The following CUX1 variants were observed in gnomAD, a reference collection of about 807,000 sequenced individuals.
CUX1 encodes the protein protein CASP.
In CUX1, 31 loss-of-function variants were observed where a neutral mutation model predicts 158.8. That is an observed-to-expected ratio of 0.20 (90% CI 0.15 to 0.26). The LOEUF is 0.26. CUX1 is among the 10% of genes least tolerant of loss of function. The pLI is 1.00. For missense variants in CUX1, 1,589 were observed against 2,014.6 expected (o/e 0.79, Z 4.04); for synonymous variants, 879 against 862.1 (o/e 1.02, Z -0.34).
At chr7:101,887,526 C>T (rs887686144) in intron 1 of CUX1, among the ~76,000 whole-genome samples, 1 of 152,012 alleles carries the variant, frequency 6.6e-6, no homozygotes, top group African/African-American at 2.4e-5. Flanking sequence ...CCAGGCTGGT[C>T]TTGAACTCCT....
intron 3 of CUX1, among the ~76,000 whole-genome samples, chr7:102,034,905 G>T (rs1295775883): frequency 6.6e-6 from 1 of 151,976 alleles, no homozygotes; most frequent in African/African-American, 2.4e-5. Context: ...CCGCACTCTA[G>T]CCTGGGCAAC....
chr7:102,153,338 C>T (rs1463213710), intron 8 of CUX1: 3 of 152,188 alleles, frequency 2.0e-5, no homozygotes, highest in African/African-American at 7.2e-5. Flanking sequence ...TATGCCTGGG[C>T]CTTTGGCCAC....
At chr7:101,883,040 C>T (rs112128996) in intron 1 of CUX1, among the ~76,000 whole-genome samples, 25 of 152,170 alleles carry the variant, frequency 1.6e-4, no homozygotes, top group African/African-American at 5.3e-4. Flanking sequence ...TCACTGGGAG[C>T]GGATCTAGAG....
intron 3 of CUX1, among the ~76,000 whole-genome samples, chr7:102,066,377 G>A (rs779611161): frequency 6.6e-6 from 1 of 152,144 alleles, no homozygotes. Flanking sequence ...TCCAAATAAG[G>A]TCACCTTCAC....
chr7:101,940,920 CAG>C (rs2129138441), intron 2 of CUX1, among the ~76,000 whole-genome samples: 1 of 152,340 alleles, frequency 6.6e-6, no homozygotes, highest in East Asian at 1.9e-4. Flanking sequence ...GTGACTTGCT[CAG>C]AGTCACACAG....
intron 2 of CUX1, among the ~76,000 whole-genome samples, chr7:101,968,266 G>A (rs935371777): frequency 3.3e-5 from 5 of 152,122 alleles, no homozygotes; most frequent in Non-Finnish European, 7.3e-5. Flanking sequence ...TGGGGTGGGA[G>A]GGAGTTCCTA....
chr7:102,214,528 T>G (rs1272133335), intron 20 of CUX1, among the ~76,000 whole-genome samples: 1 of 152,272 alleles, frequency 6.6e-6, no homozygotes, highest in Non-Finnish European at 1.5e-5. Context: ...GTAATCCACC[T>G]GGCCTAGGCT....
At chr7:101,881,644 C>T (rs116508822) in intron 1 of CUX1, among the ~76,000 whole-genome samples, 37 of 152,244 alleles carry the variant, frequency 2.4e-4, no homozygotes, top group African/African-American at 7.9e-4. Context: ...CTGACGCCAC[C>T]GATTTGTCAA....
intron 1 of CUX1, among the ~76,000 whole-genome samples, chr7:101,879,747 G>A (rs566133278): frequency 1.3e-5 from 2 of 152,392 alleles, no homozygotes; most frequent in South Asian, 4.1e-4. Flanking sequence ...CGCCCGCAGG[G>A]TCCTTGGTGG....
intron 2 of CUX1, among the ~76,000 whole-genome samples, chr7:101,946,664 G>A (rs1422714623): frequency 6.6e-6 from 1 of 152,222 alleles, no homozygotes; most frequent in Admixed American, 6.5e-5. Flanking sequence ...AGGAGCTGGT[G>A]GAGGGGGGCA....
At chr7:101,817,507 G>T (rs1196831808), upstream of CUX1, 22 of 1,144,194 alleles carry the variant, frequency 1.9e-5, no homozygotes, top group Non-Finnish European at 2.4e-5. This position sits in a 1 kb window ranked among gnomAD's most constrained non-coding sequence, Gnocchi z 4.1. Flanking sequence ...CGCCCGAGTC[G>T]CCGCCGTGCC....
intron 20 of CUX1, chr7:102,280,883 C>G (rs782454471): frequency 1.1e-5 from 18 of 1,607,172 alleles, no homozygotes. Flanking sequence ...CCCTACCCAC[C>G]CCCTCCCTGG....
chr7:102,152,153 G>A (rs781814361), intron 8 of CUX1, among the ~76,000 whole-genome samples: 1 of 152,158 alleles, frequency 6.6e-6, no homozygotes, highest in Non-Finnish European at 1.5e-5. Context: ...ACCAGCTTGG[G>A]AAGCATTGTA....
chr7:101,973,438 A>G (rs1812240991), intron 2 of CUX1, among the ~76,000 whole-genome samples: 1 of 152,220 alleles, frequency 6.6e-6, no homozygotes, highest in African/African-American at 2.4e-5. Context: ...GTCTGCTGAC[A>G]GGGGAATTGG....
intron 2 of CUX1, among the ~76,000 whole-genome samples, chr7:101,924,388 G>C (rs1385559961): frequency 1.3e-5 from 2 of 152,044 alleles, no homozygotes; most frequent in Non-Finnish European, 1.5e-5. Flanking sequence ...TGCGACTCCA[G>C]TGGACACGTG....
intron 2 of CUX1, among the ~76,000 whole-genome samples, chr7:101,994,605 A>G (rs1455231902): frequency 6.6e-6 from 1 of 152,170 alleles, no homozygotes; most frequent in African/African-American, 2.4e-5. Context: ...CGTCTCAAAC[A>G]ACAGCAACAA....
rs1249893857 is a variant in CUX1, at chr7:102,230,484, C to CA, written c.3433+2827dup. ...TGGGCAACAGAGCAAGACACTATCT[C>CA]AAAAAAAAAAAATTAAAAAAAAAAA... On this transcript the variant is annotated intron_variant, in intron 21 of 23. Coordinates refer to ENST00000292535, the MANE Select transcript of CUX1 (RefSeq NM_181552.4). Among the ~76,000 whole-genome samples, 715 of 120,866 alleles carry CA rather than the reference C, an allele frequency of 5.9e-3. 6 individuals are homozygous for CA. Among genetic ancestry groups the CA allele is most frequent in the African/African-American group, 0.018 (587 of 31,968 alleles). The allele number at this position is 120,866 out of a possible 152,430, so 79.3% of individuals were successfully genotyped here. A position where few individuals can be genotyped will look rare whatever the true frequency, so the allele number is the denominator to read the frequency against.
intron 10 of CUX1, among the ~76,000 whole-genome samples, chr7:102,176,057 C>T (rs1401181601): frequency 6.6e-6 from 1 of 152,234 alleles, no homozygotes; most frequent in Non-Finnish European, 1.5e-5. Context: ...CTCGCTCCAG[C>T]CCCCCAGGGC....
intron 12 of CUX1, among the ~76,000 whole-genome samples, chr7:102,190,861 A>G (rs1225865663): frequency 6.6e-6 from 1 of 151,966 alleles, no homozygotes; most frequent in Non-Finnish European, 1.5e-5. Context: ...CTAGACCTTG[A>G]GTCCCTTCCT....
Sources: gnomAD v4.1 joint callset for allele counts (sites outside exome capture counted in the v4.1 genomes callset) on GRCh38, gnomAD v4.1.1 for gene constraint, Gnocchi (gnomAD v3.1) non-coding constraint, MANE v1.5 for transcripts, NCBI Gene and HGNC (gene_info 2026-07-23, HGNC 2026-07-21) for gene names.